The following BANK1 variants were observed in gnomAD, a reference collection of about 807,000 sequenced individuals.
BANK1 encodes the protein B cell scaffold protein with ankyrin repeats 1.
Under a neutral mutation model 94.5 loss-of-function variants are expected in BANK1, and 95 were observed. The ratio of observed to expected loss-of-function variants is 1.00; its 90% CI spans 0.85 to 1.19. BANK1 has a LOEUF of 1.19. Ranked by LOEUF, BANK1 falls within the 50% of genes most tolerant of loss-of-function variation. The probability of loss-of-function intolerance (pLI) is 0.00; values close to 1 mark genes in which losing one functional copy is unlikely to be tolerated. For synonymous variants in BANK1, 334 were observed against 308.4 expected, an observed-to-expected ratio of 1.08 and a Z score of -0.87; for missense variants, 987 against 932.2, an observed-to-expected ratio of 1.06 and a Z score of -0.77.
chr4:101,793,015 T>A (rs2148847199), intron 1 of BANK1, among the ~76,000 whole-genome samples: 1 of 152,302 alleles, frequency 6.6e-6, no homozygotes, highest in East Asian at 1.9e-4. Context: ...TTAACTGCTG[T>A]TTTAATTAGG....
chr4:101,934,118 G>A (rs1015406217), intron 7 of BANK1, among the ~76,000 whole-genome samples: 2 of 151,456 alleles, frequency 1.3e-5, no homozygotes, highest in Non-Finnish European at 1.5e-5. Flanking sequence ...ACATAGGATA[G>A]GATCTCTTAC....
At chr4:101,825,301 A>C (rs184412436) in intron 1 of BANK1, among the ~76,000 whole-genome samples, 74 of 152,230 alleles carry the variant, frequency 4.9e-4, no homozygotes, top group Admixed American at 3.7e-3. Context: ...CTTAGGGTTG[A>C]TTTAATTCAA....
chr4:101,862,742 C>T, intron 4 of BANK1, 78 bp downstream of exon 4: 1 of 1,361,984 alleles, frequency 7.3e-7, no homozygotes, highest in Admixed American at 2.9e-5. Context: ...AATGGTTTCA[C>T]TTCCTTACAA....
At chr4:102,068,686 G>T (rs536015259) in intron 13 of BANK1, among the ~76,000 whole-genome samples, 1 of 152,146 alleles carries the variant, frequency 6.6e-6, no homozygotes, top group African/African-American at 2.4e-5. Flanking sequence ...AAATTAGCGA[G>T]GCGTGGTGGC....
chr4:102,068,075 A>G (rs888643635), intron 13 of BANK1, among the ~76,000 whole-genome samples: 2 of 152,162 alleles, frequency 1.3e-5, no homozygotes, highest in African/African-American at 4.8e-5. Context: ...CACAACATTC[A>G]AAATAACATG....
At chr4:102,042,720 C>T (rs1460570888) in intron 10 of BANK1, among the ~76,000 whole-genome samples, 2 of 152,076 alleles carry the variant, frequency 1.3e-5, no homozygotes, top group Non-Finnish European at 2.9e-5. Flanking sequence ...TTCACTCCCA[C>T]AGGCCTCAGC....
chr4:101,834,805 A>G (rs1250790784), intron 2 of BANK1, among the ~76,000 whole-genome samples: 3 of 152,320 alleles, frequency 2.0e-5, no homozygotes, highest in African/African-American at 7.2e-5. Flanking sequence ...CAGGAAAGTC[A>G]TGGAAATAAT....
chr4:102,064,924 G>A (rs1728541776), intron 13 of BANK1, among the ~76,000 whole-genome samples: 1 of 152,208 alleles, frequency 6.6e-6, no homozygotes, highest in Admixed American at 6.5e-5. Context: ...TGTGTGGTGG[G>A]TCTCTGAGAG....
At chr4:101,981,447 C>T (rs568717832) in intron 7 of BANK1, among the ~76,000 whole-genome samples, 4 of 152,034 alleles carry the variant, frequency 2.6e-5, no homozygotes, top group Admixed American at 6.6e-5. Flanking sequence ...ATATTTTTCT[C>T]GTAATGTGCT....
intron 3 of BANK1, among the ~76,000 whole-genome samples, chr4:101,858,237 T>C (rs1338304816): frequency 6.6e-6 from 1 of 152,190 alleles, no homozygotes; most frequent in Non-Finnish European, 1.5e-5. Context: ...TTGCAGAGAT[T>C]TTTGATTGTC....
intron 1 of BANK1, among the ~76,000 whole-genome samples, chr4:101,807,727 G>A (rs1725605638): frequency 6.6e-6 from 1 of 152,016 alleles, no homozygotes. Flanking sequence ...GGAAATCTAG[G>A]CACAACAAGG....
chr4:101,892,907 G>T (rs188314199), intron 5 of BANK1, among the ~76,000 whole-genome samples: 2 of 151,866 alleles, frequency 1.3e-5, no homozygotes. Context: ...TTTTGGTTAG[G>T]TTGTCTTCTA....
intron 10 of BANK1, among the ~76,000 whole-genome samples, chr4:102,033,042 A>G (rs1242370227): frequency 1.3e-5 from 2 of 152,150 alleles, no homozygotes; most frequent in Non-Finnish European, 2.9e-5. Context: ...CTATTCACCT[A>G]TGCTTTTAAC....
chr4:101,996,457 C>A (rs1159294052), intron 7 of BANK1, among the ~76,000 whole-genome samples: 1 of 152,100 alleles, frequency 6.6e-6, no homozygotes, highest in African/African-American at 2.4e-5. Flanking sequence ...TTTTCTAATT[C>A]TGTGAAGAAA....
intron 1 of BANK1, among the ~76,000 whole-genome samples, chr4:101,811,423 C>T (rs78526015): frequency 6.6e-6 from 1 of 151,874 alleles, no homozygotes; most frequent in African/African-American, 2.4e-5. Context: ...AAGCTACTCT[C>T]TTATAAAAAT....
At chr4:101,845,381 A>G (rs1360401382) in intron 2 of BANK1, among the ~76,000 whole-genome samples, 1 of 152,196 alleles carries the variant, frequency 6.6e-6, no homozygotes, top group Non-Finnish European at 1.5e-5. Context: ...TCCTAAATAT[A>G]TCAGATTAAT....
intron 7 of BANK1, among the ~76,000 whole-genome samples, chr4:101,921,207 A>T (rs571152772): frequency 6.6e-6 from 1 of 152,022 alleles, no homozygotes; most frequent in Non-Finnish European, 1.5e-5. Context: ...TCTATAATCC[A>T]TAAAGTATTT....
At chr4:101,951,292 T>G (rs1437944291) in intron 7 of BANK1, among the ~76,000 whole-genome samples, 1 of 152,134 alleles carries the variant, frequency 6.6e-6, no homozygotes, top group African/African-American at 2.4e-5. Flanking sequence ...TAATCTAACT[T>G]ACTGCTTTGT....
At chr4:102,043,959 A>C (rs1727788692) in intron 11 of BANK1, 52 bp downstream of exon 11, 2 of 1,110,368 alleles carry the variant, frequency 1.8e-6, no homozygotes, top group South Asian at 2.7e-5. Context: ...AAATATCAAG[A>C]AATCTTATGA....
Sources: allele counts gnomAD v4.1 joint callset (sites outside exome capture counted in the v4.1 genomes callset), GRCh38; gene constraint gnomAD v4.1.1; transcripts MANE v1.5; gene names NCBI Gene and HGNC (gene_info 2026-07-23, HGNC 2026-07-21).